Variants in UNC79 observed in about 807,000 individuals in gnomAD.
UNC79 encodes the protein protein unc-79 homolog.
Under a neutral mutation model 283.1 loss-of-function variants are expected in UNC79, and 37 were observed. The ratio of observed to expected loss-of-function variants is 0.13; its 90% confidence interval spans 0.10 to 0.17. UNC79 has a LOEUF of 0.17. Among genes scored for constraint, UNC79 ranks in the 10% least tolerant of loss-of-function variants. The probability of loss-of-function intolerance (pLI) is 1.00; values close to 1 mark genes in which losing one functional copy is unlikely to be tolerated. For synonymous variants in UNC79, 1,107 were observed against 1,200.2 expected (o/e 0.92, Z 1.61); for missense variants, 2,272 against 3,211.1 (o/e 0.71, Z 7.07).
chr14:93,693,583 C>G (rs1322297686), intron 46 of UNC79, among the ~76,000 whole-genome samples: 3 of 152,296 alleles, frequency 2.0e-5, no homozygotes, highest in African/African-American at 7.2e-5. Flanking sequence ...TGAGGGACAT[C>G]ACCTCTACTG....
chr14:93,529,150 T>A (rs1484323261), intron 9 of UNC79, 136 bp from the exon 10 acceptor site: 18 of 773,054 alleles, frequency 2.3e-5, no homozygotes, highest in Non-Finnish European at 3.7e-5. Context: ...ATTTTAAGAG[T>A]TTATTATGAT....
intron 26 of UNC79, among the ~76,000 whole-genome samples, chr14:93,603,869 CT>C (rs1370903558): frequency 6.6e-6 from 1 of 151,974 alleles, no homozygotes; most frequent in African/African-American, 2.4e-5. Flanking sequence ...CACAAGCCCC[CT>C]AAGACAAACC....
At chr14:93,476,772 A>G (rs2057823074) in intron 3 of UNC79, among the ~76,000 whole-genome samples, 1 of 152,220 alleles carries the variant, frequency 6.6e-6, no homozygotes. Context: ...GCCTACATGC[A>G]TTCTAAAGCT....
In UNC79 at chr14:93,371,339, A is replaced by T. The variant is rs192634284; in HGVS notation, c.-351+37816A>T. Among the ~76,000 whole-genome samples, 21 of 152,150 alleles carry T rather than the reference A, an allele frequency of 1.4e-4. No individual in the cohort carries two copies. In the East Asian group the frequency reaches 3.7e-3, roughly 27 times the overall value. Reference sequence around the variant, plus strand: ...TAGGTGGAGGTTGCAGTGAGCCAAGATCGCACCATGGCACTCCAGCCTGGG... The same window carrying T: ...TAGGTGGAGGTTGCAGTGAGCCAAGTTCGCACCATGGCACTCCAGCCTGGG... On this transcript the variant is annotated intron_variant, in intron 1 of 49. Transcript: ENST00000256339.
chr14:93,682,190 G>C (rs2073901374), intron 41 of UNC79, among the ~76,000 whole-genome samples: 1 of 152,114 alleles, frequency 6.6e-6, no homozygotes, highest in Admixed American at 6.5e-5. Flanking sequence ...GGAAGAAACA[G>C]GTAGAATACT....
chr14:93,621,471 C>T lies in UNC79; in HGVS notation c.4388-150C>T, dbSNP rs2067127313. On this transcript the variant is annotated intron_variant, in intron 29 of 48. Coordinates refer to ENST00000555664, the Ensembl canonical transcript of UNC79. The surrounding 1 kb of genome is among the most constrained non-coding windows in gnomAD (Gnocchi z 4.8). ...TCCAGTTTTTGAAATTAGAACGAACCTTACAAAAACTTGGCCAGAAAGTTC... is the reference window on the plus strand; with the variant it reads ...TCCAGTTTTTGAAATTAGAACGAACTTTACAAAAACTTGGCCAGAAAGTTC... 2 of 1,020,334 alleles carry T rather than the reference C, an allele frequency of 2.0e-6. No homozygotes were observed. Among genetic ancestry groups the T allele is most frequent in the Admixed American group, 3.4e-5 (1 of 29,522 alleles). 63.2% of individuals were successfully genotyped at this position (1,020,334 alleles called of 1,614,324 possible).
intron 1 of UNC79, among the ~76,000 whole-genome samples, chr14:93,408,824 A>G (rs1417440880): frequency 6.6e-6 from 1 of 152,240 alleles, no homozygotes; most frequent in African/African-American, 2.4e-5. Flanking sequence ...GGAGGGGAAG[A>G]CAGGGTATAT....
intron 41 of UNC79, 40 bp from the exon 45 acceptor site, chr14:93,682,577 G>C: frequency 6.5e-7 from 1 of 1,540,672 alleles, no homozygotes; most frequent in East Asian, 2.3e-5. Context: ...TTAATGTCCA[G>C]ATACCCTTAA....
At chr14:93,518,057 G>A (rs892834412) in intron 7 of UNC79, among the ~76,000 whole-genome samples, 2 of 151,908 alleles carry the variant, frequency 1.3e-5, no homozygotes, top group Non-Finnish European at 2.9e-5. Context: ...ATATTGTTTT[G>A]TTTTATTTAA....
At chr14:93,365,529 AT>A (rs2054311654) in intron 1 of UNC79, among the ~76,000 whole-genome samples, 1 of 152,192 alleles carries the variant, frequency 6.6e-6, no homozygotes, top group Non-Finnish European at 1.5e-5. Context: ...GCAGAGAACG[AT>A]TTTTAAAGCA....
chr14:93,552,269 A>C (rs948873330), intron 14 of UNC79, among the ~76,000 whole-genome samples: 1 of 152,204 alleles, frequency 6.6e-6, no homozygotes, highest in Non-Finnish European at 1.5e-5. Context: ...CTATGGAAAC[A>C]AAAGAAAAAC....
intron 44 of UNC79, chr14:93,689,828 T>A: frequency 5.8e-6 from 2 of 345,976 alleles, no homozygotes; most frequent in Non-Finnish European, 1.0e-5. Context: ...GTGGAAAGGG[T>A]TTAGAAAGAG....
chr14:93,364,735 T>G (rs1239258952), intron 1 of UNC79, among the ~76,000 whole-genome samples: 2 of 151,676 alleles, frequency 1.3e-5, no homozygotes, highest in Admixed American at 1.3e-4. Flanking sequence ...TTCACTAGCA[T>G]TGGCTTATTG....
intron 23 of UNC79, among the ~76,000 whole-genome samples, chr14:93,596,854 G>T (rs55894049): frequency 0.016 from 2,477 of 152,282 alleles, 78 homozygotes; most frequent in African/African-American, 0.057. Context: ...TAGCATGGAA[G>T]AAATACCTGG....
intron 7 of UNC79, among the ~76,000 whole-genome samples, chr14:93,518,899 T>C (rs1164384041): frequency 6.6e-6 from 1 of 151,994 alleles, no homozygotes; most frequent in Non-Finnish European, 1.5e-5. Context: ...GAGAATATGC[T>C]GTATGATGTA....
intron 1 of UNC79, among the ~76,000 whole-genome samples, chr14:93,442,433 C>T (rs7158650): frequency 6.6e-6 from 1 of 151,726 alleles, no homozygotes; most frequent in Non-Finnish European, 1.5e-5. Context: ...ACACAATATA[C>T]CTTTATTAGT....
chr14:93,414,604 T>C (rs2140056344), intron 1 of UNC79, among the ~76,000 whole-genome samples: 1 of 152,332 alleles, frequency 6.6e-6, no homozygotes, highest in East Asian at 1.9e-4. Context: ...ATTGAATCTA[T>C]AAATTACCTT....
intron 19 of UNC79, among the ~76,000 whole-genome samples, chr14:93,581,673 T>A (rs2063826200): frequency 6.6e-6 from 1 of 151,892 alleles, no homozygotes; most frequent in Non-Finnish European, 1.5e-5. Context: ...TTTGTATTTT[T>A]AGTAGAGACG....
At chr14:93,359,321 GA>G (rs1209340222) in intron 1 of UNC79, among the ~76,000 whole-genome samples, 2 of 152,170 alleles carry the variant, frequency 1.3e-5, no homozygotes, top group Admixed American at 6.5e-5. Flanking sequence ...TCCCAGCTGG[GA>G]GGGTCCGGAA....
Sources: allele counts gnomAD v4.1 joint callset (sites outside exome capture counted in the v4.1 genomes callset), GRCh38; gene constraint gnomAD v4.1.1; non-coding constraint Gnocchi (gnomAD v3.1); transcripts MANE v1.5; gene names NCBI Gene and HGNC (gene_info 2026-07-23, HGNC 2026-07-21).